CPA5: variants seen among roughly 807,000 people sequenced by gnomAD.
CPA5 encodes carboxypeptidase A5.
CPA5 carries 38 observed loss-of-function variants against 52.2 expected under a neutral mutation model. The ratio of observed to expected loss-of-function variants is 0.73; its 90% CI spans 0.56 to 0.95. CPA5 has a LOEUF of 0.95. Ranked by LOEUF, CPA5 falls within the 40% of genes least tolerant of loss-of-function variation. The pLI is 0.00. For synonymous variants in CPA5, 198 were observed against 213.7 expected, an observed-to-expected ratio of 0.93 and a Z score of 0.64; for missense variants, 519 against 566.7, an observed-to-expected ratio of 0.92 and a Z score of 0.86.
intron 10 of CPA5, among the ~76,000 whole-genome samples, chr7:130,366,387 A>G (rs1243832452): frequency 6.6e-6 from 1 of 152,210 alleles, no homozygotes; most frequent in Non-Finnish European, 1.5e-5. Context: ...TCCTTAGCCT[A>G]CAAAGTCTTG....
At chr7:130,346,190 GC>G (rs1794724972) in intron 2 of CPA5, among the ~76,000 whole-genome samples, 1 of 152,212 alleles carries the variant, frequency 6.6e-6, no homozygotes, top group South Asian at 2.1e-4. Flanking sequence ...AGAGATGGAA[GC>G]TTTGATGCTC....
intron 9 of CPA5, 23 bp from the exon 10 acceptor site, chr7:130,363,396 T>C (rs1323984132): frequency 1.3e-6 from 2 of 1,552,082 alleles, no homozygotes; most frequent in Non-Finnish European, 1.7e-6. Flanking sequence ...GTGAATGAGG[T>C]CACCTGTCCT....
chr7:130,354,095 T>G (rs1338393349), intron 5 of CPA5, among the ~76,000 whole-genome samples: 1 of 151,768 alleles, frequency 6.6e-6, no homozygotes, highest in Non-Finnish European at 1.5e-5. Context: ...ACCCAGCTAA[T>G]TTTTGTATTT....
chr7:130,370,799 G>A (rs142455152), downstream of CPA5, among the ~76,000 whole-genome samples: 1 of 152,212 alleles, frequency 6.6e-6, no homozygotes, highest in African/African-American at 2.4e-5. Flanking sequence ...ATATCTGGGG[G>A]CAGACACCCC....
rs1795896997 is a variant in CPA5 at position 130,363,341 on chromosome 7, C to T, written c.748-78C>T. The T allele has an allele frequency of 4.8e-6, 6 of 1,246,374 alleles. No homozygotes were observed. In the Admixed American group the frequency reaches 8.2e-5, roughly 17 times the overall value. The allele number at this position is 1,246,374 out of a possible 1,614,324, so 77.2% of individuals were successfully genotyped here. A position where few individuals can be genotyped will look rare whatever the true frequency, so the allele number is the denominator to read the frequency against. On this transcript the variant is annotated intron_variant, in intron 9 of 12. Transcript: ENST00000474905. ...CTGCCCCACTAGGGTCCCCTACCCC[C>T]ATAGGCCAGGATATCAGAGGCTCCC... is the stretch of plus-strand genomic sequence containing the variant.
chr7:130,364,794 C>A (rs1424695030), intron 10 of CPA5, among the ~76,000 whole-genome samples: 2 of 152,226 alleles, frequency 1.3e-5, no homozygotes, highest in African/African-American at 4.8e-5. Context: ...CCCTGATTAT[C>A]TCCCTAACCA....
At chr7:130,361,019 C>T (rs1308939175) in intron 6 of CPA5, 124 bp from the exon 7 acceptor site, 68 of 646,310 alleles carry the variant, frequency 1.1e-4, no homozygotes, top group Non-Finnish European at 1.6e-4. Context: ...TTTAGACCCT[C>T]GAGGGTCTAA....
chr7:130,356,959 A>G (rs1354888354), intron 5 of CPA5, among the ~76,000 whole-genome samples: 1 of 152,116 alleles, frequency 6.6e-6, no homozygotes, highest in Non-Finnish European at 1.5e-5. Context: ...GGCTGTTGAG[A>G]TTTGGGTCAG....
At chr7:130,362,024 G>T (rs1795817598) in intron 7 of CPA5, among the ~76,000 whole-genome samples, 1 of 152,100 alleles carries the variant, frequency 6.6e-6, no homozygotes. Context: ...GCTATTCAAA[G>T]CACGGCCCCT....
downstream of CPA5, among the ~76,000 whole-genome samples, chr7:130,370,006 G>C (rs138742197): frequency 1.8e-4 from 28 of 152,342 alleles, no homozygotes; most frequent in South Asian, 5.0e-3. Flanking sequence ...GCCGAAGAAG[G>C]AGACTAGACA....
intron 4 of CPA5, among the ~76,000 whole-genome samples, chr7:130,348,927 C>T (rs1794947211): frequency 6.6e-6 from 1 of 152,148 alleles, no homozygotes; most frequent in Non-Finnish European, 1.5e-5. Flanking sequence ...TGAAGTCTCG[C>T]ACCTGCACGC....
At chr7:130,371,853 G>A (rs905872103), downstream of CPA5, among the ~76,000 whole-genome samples, 15 of 152,012 alleles carry the variant, frequency 9.9e-5, no homozygotes, top group South Asian at 2.1e-4. Flanking sequence ...CACTGCACCC[G>A]GCCCCAGATG....
chr7:130,362,947 A>C lies in CPA5; in HGVS notation c.700A>C (p.Ile234Leu), dbSNP rs199577395. The C allele has an allele frequency of 6.2e-7, 1 of 1,613,958 alleles. No individual in the cohort carries two copies. The highest frequency in any genetic ancestry group is 2.2e-5 in the East Asian group (1 of 44,848). ...TDILNAMDIF[I>L]ELVTNPDGFA... is the part of the protein sequence containing the mutation. ...CATACTGAATGCCATGGACATCTTC[A>C]TAGAGCTCGTCACAAACCCTGATGG... The change falls in exon 9 of 13, where the codon ATA becomes CTA. Residue 234 changes from isoleucine to leucine, a missense_variant. Physicochemically the swap from Ile to Leu is conservative, Grantham distance 5. Coordinates refer to ENST00000474905, the MANE Select transcript of CPA5 (RefSeq NM_080385.5).
At chr7:130,355,396 GGT>G (rs147556341) in intron 5 of CPA5, among the ~76,000 whole-genome samples, 51 of 148,836 alleles carry the variant, frequency 3.4e-4, no homozygotes, top group Admixed American at 7.4e-4. Flanking sequence ...TGAGAACATT[GGT>G]GTGTGTGTGT....
In CPA5 at chr7:130,352,623, G is replaced by C. The variant is rs551260235; in HGVS notation, c.333+2514G>C. Among the ~76,000 whole-genome samples, 38 of 152,234 alleles carry C rather than the reference G, an allele frequency of 2.5e-4. 2 individuals carry two copies. The South Asian group carries it at 7.1e-3, about 28-fold the overall frequency. Reference sequence around the variant, plus strand: ...GTCAGGATTTTATCCTGACAACTAGGGGGGAGTCATGGGAGGTGCTTTCAC... The same window carrying C: ...GTCAGGATTTTATCCTGACAACTAGCGGGGAGTCATGGGAGGTGCTTTCAC... On this transcript the variant is annotated intron_variant, in intron 5 of 12. Coordinates refer to ENST00000474905, the MANE Select transcript of CPA5 (RefSeq NM_080385.5).
Position 130,360,417 on chromosome 7 carries a change from G to T in CPA5, c.433-726G>T, listed in dbSNP as rs571242978. Among the ~76,000 whole-genome samples, 38 of 152,352 alleles carry T rather than the reference G, an allele frequency of 2.5e-4. 1 individual carries two copies. The highest frequency in any genetic ancestry group is 8.9e-4 in the African/African-American group (37 of 41,574). On this transcript the variant is annotated intron_variant, in intron 6 of 12. Coordinates refer to ENST00000474905, the MANE Select transcript of CPA5 (RefSeq NM_080385.5). ...AAGTTCATGACCACAGTTAGAGCCA[G>T]CCAGGGTAAGTGACTTGTTTATAAA...
intron 5 of CPA5, among the ~76,000 whole-genome samples, chr7:130,351,320 C>G (rs1795127195): frequency 6.6e-6 from 1 of 152,184 alleles, no homozygotes; most frequent in Admixed American, 6.5e-5. Flanking sequence ...TTCCATTTCC[C>G]TGGTTCAGCC....
intron 1 of CPA5, chr7:130,345,629 G>A (rs1018712931): frequency 2.0e-5 from 3 of 152,210 alleles, no homozygotes; most frequent in Non-Finnish European, 4.4e-5. Flanking sequence ...AAAACCCACT[G>A]TCTGTGCTAG....
intron 5 of CPA5, 81 bp downstream of exon 5, chr7:130,350,190 G>T (rs1795045066): frequency 1.4e-6 from 2 of 1,455,192 alleles, no homozygotes; most frequent in African/African-American, 2.8e-5. Flanking sequence ...TGTTCTCGGG[G>T]CTAAAAGTGG....
Sources: allele counts gnomAD v4.1 joint callset (sites outside exome capture counted in the v4.1 genomes callset), GRCh38; gene constraint gnomAD v4.1.1; transcripts MANE v1.5; gene names NCBI Gene and HGNC (gene_info 2026-07-23, HGNC 2026-07-21).